NRF1: variants seen among roughly 807,000 people sequenced by gnomAD.
The protein encoded by NRF1 is nuclear respiratory factor 1.
In NRF1, 5 loss-of-function variants were observed where a neutral mutation model predicts 58.5. That is an observed-to-expected ratio of 0.09 (90% CI 0.04 to 0.18). NRF1 has a LOEUF of 0.18. Among genes scored for constraint, NRF1 ranks in the 10% least tolerant of loss-of-function variants. The pLI, the probability that NRF1 is intolerant of heterozygous loss-of-function variation, is 1.00. For synonymous variants in NRF1, 224 were observed against 246.7 expected, an observed-to-expected ratio of 0.91 and a Z score of 0.86; for missense variants, 288 against 657.7, an observed-to-expected ratio of 0.44 and a Z score of 6.15.
In NRF1 at chr7:129,690,550, A is replaced by T. The variant is rs773477101; in HGVS notation, c.606+4A>T. ...CTCTGTGGACAAAATGACCCAGGTG[A>T]GGGGTGGGAGGTGAGGAGGAGACTC... On this transcript the variant is annotated splice_donor_region_variant and intron_variant, in intron 5 of 10. Coordinates refer to ENST00000393232, the MANE Select transcript of NRF1 (RefSeq NM_005011.5). 6.2e-7 allele frequency: 1 copy of T among 1,614,022 alleles called. No homozygotes were observed. The highest frequency in any genetic ancestry group is 1.7e-5 in the Admixed American group (1 of 60,008).
chr7:129,619,431 T>TATATATATAC (rs1800730923), intron 1 of NRF1, among the ~76,000 whole-genome samples: 1 of 71,544 alleles, frequency 1.4e-5, no homozygotes, highest in Non-Finnish European at 2.3e-5. Flanking sequence ...TATATATATA[T>TATATATATAC]ATACACACAC....
At chr7:129,658,633 G>A (rs1284504500) in intron 2 of NRF1, among the ~76,000 whole-genome samples, 3 of 150,028 alleles carry the variant, frequency 2.0e-5, no homozygotes, top group African/African-American at 4.9e-5. Flanking sequence ...AACGTTGTAT[G>A]TACTTGGAAC....
In NRF1 at chr7:129,632,854, A is replaced by G. The variant is rs148720529; in HGVS notation, c.-7+21030A>G. 1.1e-4 allele frequency among the ~76,000 whole-genome samples: 17 copies of G among 152,270 alleles called. No homozygotes were observed. The East Asian group carries it at 2.7e-3, about 24-fold the overall frequency. ...AATAAAGGGAAGTATGAAGATGATA[A>G]AAATTTGTAGCCCAGCTATCCAGAG... On this transcript the variant is annotated intron_variant, in intron 1 of 10. Transcript: ENST00000393232.
At chr7:129,619,484 G>C (rs1451667251) in intron 1 of NRF1, among the ~76,000 whole-genome samples, 1 of 68,498 alleles carries the variant, frequency 1.5e-5, no homozygotes, top group Non-Finnish European at 2.5e-5. Flanking sequence ...GTGTGTGTGT[G>C]TGTGTGTATA....
intron 9 of NRF1, among the ~76,000 whole-genome samples, chr7:129,718,324 T>G (rs1803238681): frequency 6.6e-6 from 1 of 152,202 alleles, no homozygotes; most frequent in Non-Finnish European, 1.5e-5. Context: ...GCAGTTGATT[T>G]GAACTCTCAG....
chr7:129,686,953 C>A (rs994219217), intron 4 of NRF1, among the ~76,000 whole-genome samples: 3 of 152,216 alleles, frequency 2.0e-5, no homozygotes, highest in African/African-American at 7.2e-5. Context: ...AATGTTGACA[C>A]AATGCTATCA....
At chr7:129,646,865 A>G (rs140806553) in intron 1 of NRF1, among the ~76,000 whole-genome samples, 1 of 152,252 alleles carries the variant, frequency 6.6e-6, no homozygotes, top group East Asian at 1.9e-4. Flanking sequence ...ATAAACAGCA[A>G]GCATAACCTT....
chr7:129,695,569 C>T (rs1452963273), intron 5 of NRF1, among the ~76,000 whole-genome samples: 2 of 134,102 alleles, frequency 1.5e-5, no homozygotes, highest in East Asian at 2.0e-4. Flanking sequence ...GAGCAAGACT[C>T]GATCTCAAAA....
At position 129,753,515 on chromosome 7, in the gene NRF1, TC is replaced by T. The variant is rs538017822; in HGVS notation, c.1349-1501del. Among the ~76,000 whole-genome samples the T allele has an allele frequency of 4.1e-4, 62 of 152,230 alleles. 1 individual carries two copies. Among genetic ancestry groups the T allele is most frequent in the Non-Finnish European group, 3.4e-4 (23 of 68,038 alleles). On this transcript the variant is annotated intron_variant, in intron 10 of 10. Transcript: ENST00000393232. ...AAAATGTTGACATCCCTCGGTTATA[TC>T]CTTTTTTCCTCATTCACTGTAATTC...
chr7:129,755,227 T>TC lies in NRF1; in HGVS notation c.*46_*47insC. On this transcript the variant is annotated 3_prime_UTR_variant, in exon 11 of 11. Coordinates refer to ENST00000393232, the MANE Select transcript of NRF1 (RefSeq NM_005011.5). This position sits in a 1 kb window ranked among gnomAD's most constrained non-coding sequence, Gnocchi z 5.8. ...TCGTTTTCTAGTCTACTTCAAAATTTTTTACACGTTTGCAGAGGTGCAATC... is the reference window on the plus strand; with the variant it reads ...TCGTTTTCTAGTCTACTTCAAAATTTCTTTACACGTTTGCAGAGGTGCAATC... 6.7e-7 allele frequency: 1 copy of TC among 1,491,450 alleles called. No homozygotes were observed. The highest frequency in any genetic ancestry group is 9.0e-7 in the Non-Finnish European group (1 of 1,112,828). The allele number at this position is 1,491,450 out of a possible 1,614,324, so 92.4% of individuals were successfully genotyped here. A position where few individuals can be genotyped will look rare whatever the true frequency, so the allele number is the denominator to read the frequency against.
At chr7:129,724,816 A>G (rs1353066794) in intron 9 of NRF1, among the ~76,000 whole-genome samples, 3 of 152,248 alleles carry the variant, frequency 2.0e-5, no homozygotes, top group Non-Finnish European at 4.4e-5. Flanking sequence ...TCAAAATCAC[A>G]GAGACAAAAA....
intron 9 of NRF1, among the ~76,000 whole-genome samples, chr7:129,718,662 G>A (rs1803245961): frequency 6.6e-6 from 1 of 152,148 alleles, no homozygotes; most frequent in African/African-American, 2.4e-5. Context: ...TTCAGAGGAG[G>A]GTGATCACCT....
Position 129,710,540 on chromosome 7 carries a change from G to A in NRF1, c.932G>A (p.Ser311Asn), listed in dbSNP as rs1369005976. 6.3e-7 allele frequency: 1 copy of A among 1,588,316 alleles called. No individual in the cohort carries two copies. Among genetic ancestry groups the A allele is most frequent in the Non-Finnish European group, 8.6e-7 (1 of 1,156,426 alleles). The part of the protein sequence containing the change: ...VPSQTVVQTF[S>N]NPDGTVSLIQ... ...TCACAGACTGTAGTCCAGACTTTTA[G>A]TAACCCTGATGGCACTGTCTCACTT... The change falls in exon 7 of 11, where the codon AGT becomes AAT. Residue 311 changes from serine (S) to asparagine (N), a missense_variant. Around this residue, in one of 3 missense-constraint regions of NRF1, gnomAD observed 212 missense variants for 559.7 expected, o/e 0.38. Coordinates refer to ENST00000393232, the MANE Select transcript of NRF1 (RefSeq NM_005011.5).
intron 1 of NRF1, among the ~76,000 whole-genome samples, chr7:129,621,098 A>G (rs1322453943): frequency 6.6e-6 from 1 of 152,190 alleles, no homozygotes; most frequent in Non-Finnish European, 1.5e-5. Context: ...TTTCCAAAAT[A>G]TTTCTTTTTG....
intron 2 of NRF1, among the ~76,000 whole-genome samples, chr7:129,662,780 A>G (rs985647056): frequency 1.2e-4 from 18 of 151,984 alleles, no homozygotes; most frequent in African/African-American, 4.4e-4. Flanking sequence ...GTATTTATTG[A>G]TCATTCTTGG....
intron 1 of NRF1, 21 bp from the exon 2 acceptor site, chr7:129,657,325 T>C: frequency 1.9e-6 from 3 of 1,538,906 alleles, no homozygotes; most frequent in Non-Finnish European, 2.7e-6. Flanking sequence ...CCTGTTCTTT[T>C]TCTTTTTTGT....
intron 1 of NRF1, among the ~76,000 whole-genome samples, chr7:129,653,846 C>T (rs1236116982): frequency 6.6e-6 from 1 of 152,156 alleles, no homozygotes; most frequent in Non-Finnish European, 1.5e-5. Context: ...ATTCTATTGT[C>T]TGGATGTACC....
chr7:129,685,396 A>G (rs1379938595), intron 4 of NRF1, among the ~76,000 whole-genome samples: 2 of 152,284 alleles, frequency 1.3e-5, no homozygotes, highest in South Asian at 2.1e-4. Context: ...CCTTGTTTCA[A>G]AGAACAAAAC....
At chr7:129,615,444 G>A (rs1800640723) in intron 1 of NRF1, among the ~76,000 whole-genome samples, 1 of 152,134 alleles carries the variant, frequency 6.6e-6, no homozygotes, top group African/African-American at 2.4e-5. Flanking sequence ...TTATTAATAT[G>A]TATATATAGA....
Sources: gnomAD v4.1 joint callset for allele counts (sites outside exome capture counted in the v4.1 genomes callset) on GRCh38, gnomAD v4.1.1 for gene constraint, gnomAD v4.1.1 regional missense constraint, Gnocchi (gnomAD v3.1) non-coding constraint, MANE v1.5 for transcripts, NCBI Gene and HGNC (gene_info 2026-07-23, HGNC 2026-07-21) for gene names.